The following DPRX variants were observed in gnomAD, a reference collection of about 807,000 sequenced individuals.
The protein encoded by DPRX is divergent paired-related homeobox.
DPRX carries 11 observed loss-of-function variants against 8.4 expected under a neutral mutation model. The ratio of observed to expected loss-of-function variants is 1.31; its 90% CI spans 0.82 to 2.17. DPRX has a LOEUF of 2.17. Ranked by LOEUF, DPRX falls within the 30% of genes most tolerant of loss-of-function variation. DPRX has a pLI of 0.00. For missense variants in DPRX, 211 were observed against 236.7 expected (o/e 0.89, Z 0.71); for synonymous variants, 72 against 87.0 (o/e 0.83, Z 0.96).
intron 1 of DPRX, among the ~76,000 whole-genome samples, chr19:53,634,130 A>G (rs1017748702): frequency 6.6e-6 from 1 of 152,086 alleles, no homozygotes; most frequent in Non-Finnish European, 1.5e-5. Flanking sequence ...GTGTCTCCAT[A>G]TCTAAGAACC....
At chr19:53,623,513 C>T in the DPRX span, among the ~76,000 whole-genome samples, 1 of 151,846 alleles carries the variant, frequency 6.6e-6, no homozygotes, top group Non-Finnish European at 1.5e-5. Context: ...TGGCACATGC[C>T]TATAATCCCA....
the DPRX span, among the ~76,000 whole-genome samples, chr19:53,611,216 T>TA: frequency 4.3e-4 from 65 of 151,772 alleles, 1 homozygote; most frequent in East Asian, 8.7e-3. Context: ...AGTGACCTTC[T>TA]AAAAAAAACA....
the DPRX span, chr19:53,603,210 C>T: frequency 2.5e-6 from 1 of 408,154 alleles, no homozygotes; most frequent in Non-Finnish European, 5.0e-6. Flanking sequence ...ATCCACTGTG[C>T]CCGGCCAAAA....
chr19:53,618,314 C>T, the DPRX span, among the ~76,000 whole-genome samples: 1 of 151,838 alleles, frequency 6.6e-6, no homozygotes, highest in Non-Finnish European at 1.5e-5. Flanking sequence ...GAGCTGAGAA[C>T]TCTGGACAGC....
exon 1 of DPRX, chr19:53,632,085 A>C (rs980697535): frequency 6.2e-6 from 10 of 1,613,862 alleles, no homozygotes; most frequent in Non-Finnish European, 8.5e-6. Flanking sequence ...ACCTGAACCC[A>C]GGCGCACATC....
At chr19:53,603,083 G>A in the DPRX span, among the ~76,000 whole-genome samples, 3 of 150,334 alleles carry the variant, frequency 2.0e-5, no homozygotes, top group South Asian at 2.1e-4. Context: ...ATGGGATCTC[G>A]CCCCATTGCC....
the DPRX span, among the ~76,000 whole-genome samples, chr19:53,624,299 G>T: frequency 1.3e-5 from 2 of 151,748 alleles, no homozygotes; most frequent in East Asian, 3.9e-4. Flanking sequence ...CTGTTGCCCA[G>T]GCTGGTCTCA....
At chr19:53,612,857 T>C in the DPRX span, among the ~76,000 whole-genome samples, 22 of 152,148 alleles carry the variant, frequency 1.4e-4, no homozygotes, top group African/African-American at 5.3e-4. Flanking sequence ...CCAGCAAACC[T>C]GTCTCTCTGC....
intron 1 of DPRX, among the ~76,000 whole-genome samples, chr19:53,634,304 G>A (rs1017886003): frequency 2.6e-5 from 4 of 152,106 alleles, no homozygotes; most frequent in East Asian, 1.9e-4. Context: ...GGTGGCGTGC[G>A]CCTGTAATCC....
chr19:53,623,019 T>C, the DPRX span, among the ~76,000 whole-genome samples: 3,737 of 152,104 alleles, frequency 0.025, 127 homozygotes, highest in East Asian at 0.16. Flanking sequence ...AAAAAGCCAT[T>C]CCTGGGCCAA....
At chr19:53,617,708 A>G in the DPRX span, among the ~76,000 whole-genome samples, 2 of 152,196 alleles carry the variant, frequency 1.3e-5, no homozygotes, top group Non-Finnish European at 2.9e-5. Flanking sequence ...GTGAAAAACC[A>G]GGAAGTGTAT....
At chr19:53,601,712 C>T in the DPRX span, among the ~76,000 whole-genome samples, 1 of 151,992 alleles carries the variant, frequency 6.6e-6, no homozygotes, top group Admixed American at 6.6e-5. Context: ...GAACTCCTCG[C>T]CTCAAGTGAT....
chr19:53,603,577 ACC>A, the DPRX span: 1 of 353,002 alleles, frequency 2.8e-6, no homozygotes, highest in Non-Finnish European at 5.7e-6. Context: ...GGCAAGATTA[ACC>A]CAGGTCCCTG....
chr19:53,620,904 A>G, the DPRX span, among the ~76,000 whole-genome samples: 1 of 152,094 alleles, frequency 6.6e-6, no homozygotes, highest in Non-Finnish European at 1.5e-5. Flanking sequence ...TGCCAAAGCT[A>G]TTTTCTATGG....
chr19:53,616,638 C>T, the DPRX span, among the ~76,000 whole-genome samples: 6 of 152,264 alleles, frequency 3.9e-5, no homozygotes, highest in South Asian at 2.1e-4. Flanking sequence ...CCTGTAATTC[C>T]GGCTACTTGG....
In DPRX at chr19:53,636,578, T is replaced by G; in HGVS notation, c.184-18T>G. The G allele has an allele frequency of 6.5e-7, 1 of 1,535,074 alleles. No homozygotes were observed. The highest frequency in any genetic ancestry group is 8.8e-7 in the Non-Finnish European group (1 of 1,137,436). On this transcript the variant is annotated intron_variant, in intron 2 of 2. Coordinates refer to ENST00000376650, the Ensembl canonical transcript of DPRX. Reference sequence around the variant, plus strand: ...TCATCTGAATTCCACCCCATTCTCTTCTCTCTCTTCCCTTCAGGTCTGGTT... The same window carrying G: ...TCATCTGAATTCCACCCCATTCTCTGCTCTCTCTTCCCTTCAGGTCTGGTT...
At chr19:53,612,553 A>C in the DPRX span, among the ~76,000 whole-genome samples, 2 of 151,908 alleles carry the variant, frequency 1.3e-5, no homozygotes, top group Non-Finnish European at 2.9e-5. Context: ...TGAAAAATAC[A>C]AAAATTAGCC....
At chr19:53,613,315 G>T in the DPRX span, among the ~76,000 whole-genome samples, 2 of 152,026 alleles carry the variant, frequency 1.3e-5, no homozygotes, top group Admixed American at 6.6e-5. Flanking sequence ...CCAAGAGGAG[G>T]GGGGAGGTCA....
intron 2 of DPRX, among the ~76,000 whole-genome samples, chr19:53,635,107 G>A (rs1215175490): frequency 6.6e-6 from 1 of 152,044 alleles, no homozygotes; most frequent in Non-Finnish European, 1.5e-5. Context: ...CAAGTAGCTG[G>A]GACTACAGGT....
Sources: gnomAD v4.1 joint callset for allele counts (sites outside exome capture counted in the v4.1 genomes callset) on GRCh38, gnomAD v4.1.1 for gene constraint, MANE v1.5 for transcripts, NCBI Gene and HGNC (gene_info 2026-07-23, HGNC 2026-07-21) for gene names.